Variants in SPOCK3 observed in about 807,000 individuals in gnomAD.
SPOCK3 encodes testican-3.
Under a neutral mutation model 56.6 loss-of-function variants are expected in SPOCK3, and 30 were observed. The observed-to-expected ratio is 0.53, with a 90% CI of 0.40 to 0.72. The LOEUF (loss-of-function observed/expected upper bound fraction) is 0.72, where lower values mean the gene tolerates loss of function less well. SPOCK3 is among the 30% of genes least tolerant of loss of function. The probability of loss-of-function intolerance (pLI) is 0.00; values close to 1 mark genes in which losing one functional copy is unlikely to be tolerated. For synonymous variants in SPOCK3, 196 were observed against 183.3 expected (o/e 1.07, Z -0.56); for missense variants, 527 against 530.0 (o/e 0.99, Z 0.06).
intron 2 of SPOCK3, among the ~76,000 whole-genome samples, chr4:167,142,624 T>C (rs17053016): frequency 0.015 from 2,279 of 152,086 alleles, 65 homozygotes; most frequent in African/African-American, 0.051. Flanking sequence ...ACACCTTCTG[T>C]TGACCTCATT....
intron 6 of SPOCK3, among the ~76,000 whole-genome samples, chr4:166,888,625 G>T (rs1176173496): frequency 6.6e-6 from 1 of 151,888 alleles, no homozygotes; most frequent in Non-Finnish European, 1.5e-5. Flanking sequence ...ATGAATTAAA[G>T]ACTTCATCTG....
chr4:167,095,749 G>A (rs1023060849), intron 2 of SPOCK3, among the ~76,000 whole-genome samples: 13 of 151,284 alleles, frequency 8.6e-5, no homozygotes, highest in African/African-American at 2.9e-4. Flanking sequence ...AAACTTGCAT[G>A]AGGAAATTTA....
chr4:166,851,326 A>T (rs977953105), intron 6 of SPOCK3, among the ~76,000 whole-genome samples: 5 of 152,214 alleles, frequency 3.3e-5, no homozygotes, highest in African/African-American at 1.2e-4. Flanking sequence ...GTACATCACC[A>T]TCATCAAAGA....
At chr4:167,164,618 T>C (rs1297228466) in intron 2 of SPOCK3, among the ~76,000 whole-genome samples, 1 of 145,902 alleles carries the variant, frequency 6.9e-6, no homozygotes, top group Non-Finnish European at 1.5e-5. Flanking sequence ...CAGGCCCCGG[T>C]GTGTGATGTT....
Position 167,190,694 on chromosome 4 carries a change from T to C in SPOCK3, c.189+43291A>G, listed in dbSNP as rs539822769. On this transcript the variant is annotated intron_variant, in intron 2 of 10. Transcript: ENST00000357545. ...TCCAAAAGATCATTGCCAAAACAAA[T>C]GTCAAGGAGCCTTGTTCATATGTTT... 2.3e-4 allele frequency among the ~76,000 whole-genome samples: 33 copies of C among 145,984 alleles called. 3 individuals are homozygous for C. The highest frequency in any genetic ancestry group is 7.8e-4 in the African/African-American group (30 of 38,408).
At chr4:166,752,555 TA>T (rs1490184399) in intron 8 of SPOCK3, among the ~76,000 whole-genome samples, 2 of 41,014 alleles carry the variant, frequency 4.9e-5, no homozygotes, top group African/African-American at 3.1e-4. Flanking sequence ...TATGTGTGTA[TA>T]TATATATATA....
At position 166,933,679 on chromosome 4, in the gene SPOCK3, G is replaced by C. The variant is rs75118928; in HGVS notation, c.351-20936C>G. Among the ~76,000 whole-genome samples the C allele has an allele frequency of 9.7e-4, 148 of 152,298 alleles. 5 individuals carry two copies. The East Asian group carries it at 0.027, about 28-fold the overall frequency. ...TTTCGAGGAAGAGTAAATTTGCAAA[G>C]AGACTTAGAACATAGAGATAAGGCT... On this transcript the variant is annotated intron_variant, in intron 4 of 10. Coordinates refer to ENST00000357545, the MANE Select transcript of SPOCK3 (RefSeq NM_001040159.2).
intron 2 of SPOCK3, among the ~76,000 whole-genome samples, chr4:167,153,772 A>G (rs1764597287): frequency 1.3e-5 from 2 of 152,218 alleles, no homozygotes; most frequent in Non-Finnish European, 2.9e-5. Context: ...TAGCATCAAA[A>G]CACAAGGAGT....
chr4:166,894,922 C>A (rs1046227129), intron 5 of SPOCK3, among the ~76,000 whole-genome samples: 14 of 152,096 alleles, frequency 9.2e-5, no homozygotes, highest in Non-Finnish European at 1.5e-4. Context: ...CAATAGCCTG[C>A]AGTGGAATAT....
intron 2 of SPOCK3, among the ~76,000 whole-genome samples, chr4:167,063,367 G>C (rs936932572): frequency 6.6e-6 from 1 of 151,744 alleles, no homozygotes; most frequent in African/African-American, 2.4e-5. Flanking sequence ...AGATATCACT[G>C]TTGAAATTAA....
At chr4:166,996,961 C>T (rs1186450016) in intron 4 of SPOCK3, among the ~76,000 whole-genome samples, 1 of 152,060 alleles carries the variant, frequency 6.6e-6, no homozygotes, top group Non-Finnish European at 1.5e-5. Flanking sequence ...TCGTTACATC[C>T]CTCATTTCAT....
intron 2 of SPOCK3, among the ~76,000 whole-genome samples, chr4:167,067,352 T>C (rs1756255940): frequency 6.6e-6 from 1 of 151,846 alleles, no homozygotes; most frequent in Non-Finnish European, 1.5e-5. Flanking sequence ...TATTTTGCAA[T>C]TTACGTTAAC....
At chr4:167,164,026 A>C (rs982413660) in intron 2 of SPOCK3, among the ~76,000 whole-genome samples, 2 of 152,156 alleles carry the variant, frequency 1.3e-5, no homozygotes, top group Non-Finnish European at 2.9e-5. Context: ...CCTGGAATAA[A>C]AAATACAATC....
At chr4:166,857,554 A>G (rs919859296) in intron 6 of SPOCK3, among the ~76,000 whole-genome samples, 2 of 152,236 alleles carry the variant, frequency 1.3e-5, no homozygotes, top group African/African-American at 4.8e-5. Flanking sequence ...AAATAACTGA[A>G]GATAGGAATT....
At chr4:166,795,224 T>G (rs1161848951) in intron 6 of SPOCK3, among the ~76,000 whole-genome samples, 1 of 152,154 alleles carries the variant, frequency 6.6e-6, no homozygotes, top group African/African-American at 2.4e-5. Context: ...GCACATCTGG[T>G]ACTCCTAATT....
intron 7 of SPOCK3, among the ~76,000 whole-genome samples, chr4:166,768,142 A>G (rs907885066): frequency 6.6e-6 from 1 of 152,078 alleles, no homozygotes; most frequent in Admixed American, 6.5e-5. Flanking sequence ...CTCTTTATCC[A>G]ATTTGCCAGT....
chr4:166,841,764 C>T (rs1285495666), intron 6 of SPOCK3, among the ~76,000 whole-genome samples: 8 of 152,218 alleles, frequency 5.3e-5, no homozygotes, highest in Non-Finnish European at 5.9e-5. Context: ...CTGCTCTGTA[C>T]AGCCTATATG....
rs1356434851 is a variant in SPOCK3 at position 166,749,167 on chromosome 4, A to G, written c.931+5341T>C. Among the ~76,000 whole-genome samples, 5 of 137,182 alleles carry G rather than the reference A, an allele frequency of 3.6e-5. 1 individual carries two copies. Among genetic ancestry groups the G allele is most frequent in the Non-Finnish European group, 7.7e-5 (5 of 64,678 alleles). 90.0% of individuals were successfully genotyped at this position (137,182 alleles called of 152,430 possible). A position where few individuals can be genotyped will look rare whatever the true frequency, so the allele number is the denominator to read the frequency against. Reference sequence around the variant, plus strand: ...TACCCAAAGGATTATAAATCATGCTACTATAAAGACACATGTGCACGTATG... The same window carrying G: ...TACCCAAAGGATTATAAATCATGCTGCTATAAAGACACATGTGCACGTATG... On this transcript the variant is annotated intron_variant, in intron 8 of 10. Coordinates refer to ENST00000357545, the MANE Select transcript of SPOCK3 (RefSeq NM_001040159.2).
At chr4:167,186,656 A>C (rs367836046) in intron 2 of SPOCK3, among the ~76,000 whole-genome samples, 10 of 152,034 alleles carry the variant, frequency 6.6e-5, no homozygotes, top group African/African-American at 1.2e-4. Flanking sequence ...ACAACAACAA[A>C]AAAAACAGAA....
Sources: gnomAD v4.1 joint callset for allele counts (sites outside exome capture counted in the v4.1 genomes callset) on GRCh38, gnomAD v4.1.1 for gene constraint, MANE v1.5 for transcripts, NCBI Gene and HGNC (gene_info 2026-07-23, HGNC 2026-07-21) for gene names.